Variants in PHF19 observed in about 807,000 individuals in gnomAD.
The protein encoded by PHF19 is polycomb like 3.
PHF19 carries 21 observed loss-of-function variants against 79.8 expected under a neutral mutation model. The observed-to-expected ratio is 0.26, with a 90% CI of 0.19 to 0.38. The LOEUF is 0.38. Among genes scored for constraint, PHF19 ranks in the 10% least tolerant of loss-of-function variants. The pLI is 1.00. For missense variants in PHF19, 445 were observed against 744.2 expected (o/e 0.60, Z 4.68); for synonymous variants, 273 against 296.3 (o/e 0.92, Z 0.81).
chr9:120,901,204 G>T, the PHF19 span, among the ~76,000 whole-genome samples: 77,699 of 150,376 alleles, frequency 0.52, 20,627 homozygotes, highest in South Asian at 0.69. Flanking sequence ...TCTTTTTTTT[G>T]TTGTTTGAGA....
At chr9:120,872,139 C>T (rs576802799) in intron 3 of PHF19, among the ~76,000 whole-genome samples, 14 of 149,020 alleles carry the variant, frequency 9.4e-5, no homozygotes, top group African/African-American at 1.2e-4. Context: ...TGTTCCAAGA[C>T]GTTTGTTGAA....
rs564927935 is a variant in PHF19, at chr9:120,856,532, C to A, written c.*1412G>T. ...AAGGCACTTTTGTCCATTTTCCAAT[C>A]AAGTGAGTCAGTTTCTAATATCTCT... On this transcript the variant is annotated 3_prime_UTR_variant, in exon 15 of 15. Transcript: ENST00000373896. 1 of 152,270 alleles carries A rather than the reference C, an allele frequency of 6.6e-6. No homozygotes were observed. The highest frequency in any genetic ancestry group is 1.5e-5 in the Non-Finnish European group (1 of 68,062). The allele number at this position is 152,270 out of a possible 1,614,324, so 9.4% of individuals were successfully genotyped here. A position where few individuals can be genotyped will look rare whatever the true frequency, so the allele number is the denominator to read the frequency against.
intron 1 of PHF19, among the ~76,000 whole-genome samples, chr9:120,887,929 C>T (rs1300816089): frequency 2.6e-5 from 4 of 152,142 alleles, no homozygotes; most frequent in Admixed American, 6.5e-5. Context: ...TCCTTGAGAA[C>T]GGAGCTCGTC....
upstream of PHF19, among the ~76,000 whole-genome samples, chr9:120,881,695 G>T (rs990037876): frequency 6.6e-6 from 1 of 152,152 alleles, no homozygotes; most frequent in Non-Finnish European, 1.5e-5. Flanking sequence ...AGCATTGCTT[G>T]TTAGGTGTCC....
At chr9:120,889,822 AAG>A (rs2046317334) in intron 1 of PHF19, among the ~76,000 whole-genome samples, 4 of 152,098 alleles carry the variant, frequency 2.6e-5, no homozygotes, top group Middle Eastern at 3.2e-3. Flanking sequence ...AGAAAGAAAA[AAG>A]AGAAAAAGAA....
chr9:120,864,287 C>T (rs1304281612), intron 9 of PHF19, among the ~76,000 whole-genome samples, 171 bp from the exon 10 acceptor site: 1 of 152,200 alleles, frequency 6.6e-6, no homozygotes, highest in East Asian at 1.9e-4. Context: ...AAGTTCATTC[C>T]CATTTGTAAA....
At chr9:120,865,633 C>T in intron 9 of PHF19, 77 bp downstream of exon 9, 5 of 1,554,576 alleles carry the variant, frequency 3.2e-6, no homozygotes, top group Non-Finnish European at 4.4e-6. Context: ...TCAGAGACTT[C>T]CATCCTAGTC....
chr9:120,904,082 GA>G, the PHF19 span: 1 of 152,284 alleles, frequency 6.6e-6, no homozygotes, highest in Non-Finnish European at 1.5e-5. Context: ...CGGGATTCTG[GA>G]AAGCACCAAA....
chr9:120,859,383 G>A (rs1400994153), intron 14 of PHF19, among the ~76,000 whole-genome samples: 5 of 151,982 alleles, frequency 3.3e-5, no homozygotes, highest in Admixed American at 1.3e-4. Flanking sequence ...GCCTCCCAAA[G>A]TGCTAGGATG....
rs1337780104 is a variant in PHF19 at position 120,860,416 on chromosome 9, G to C, written c.1305-231C>G. On this transcript the variant is annotated intron_variant, in intron 13 of 14. Transcript: ENST00000373896. The surrounding 1 kb of genome is among the most constrained non-coding windows in gnomAD (Gnocchi z 4.1). ...TCCCCTGGCGGTGACGTAAGCACTG[G>C]TGTCAATAACTCGAGCGTGATCCAA... is the stretch of plus-strand genomic sequence containing the variant. 1 of 516,612 alleles carries C rather than the reference G, an allele frequency of 1.9e-6. No individual in the cohort carries two copies. Among genetic ancestry groups the C allele is most frequent in the Non-Finnish European group, 3.5e-6 (1 of 282,932 alleles). The allele number at this position is 516,612 out of a possible 1,614,324, so 32.0% of individuals were successfully genotyped here. A position where few individuals can be genotyped will look rare whatever the true frequency, so the allele number is the denominator to read the frequency against.
chr9:120,896,345 T>C (rs539437699), upstream of PHF19, among the ~76,000 whole-genome samples: 18 of 152,090 alleles, frequency 1.2e-4, no homozygotes, highest in African/African-American at 4.1e-4. Flanking sequence ...GACCGAAGCT[T>C]GGACAGATGA....
intron 6 of PHF19, among the ~76,000 whole-genome samples, chr9:120,867,902 G>A (rs116781178): frequency 0.011 from 1,663 of 152,222 alleles, 31 homozygotes; most frequent in African/African-American, 0.038. Context: ...TCAGCCCAAA[G>A]AAGCAAGCTC....
intron 10 of PHF19, among the ~76,000 whole-genome samples, chr9:120,863,564 G>A (rs1207456580): frequency 2.0e-5 from 3 of 152,302 alleles, no homozygotes; most frequent in East Asian, 1.9e-4. Flanking sequence ...AAGGGACAGC[G>A]GCAGAGGACG....
At position 120,874,147 on chromosome 9, in the gene PHF19, C is replaced by A. The variant is rs907524882; in HGVS notation, c.187-87G>T. On this transcript the variant is annotated intron_variant, in intron 2 of 14. Transcript: ENST00000373896. This position sits in a 1 kb window ranked among gnomAD's most constrained non-coding sequence, Gnocchi z 4.5. ...AGTCTTCCTCCCCCATTTTTGTCTCCGTATGTTCCAGAAAGCAGGGCTAGA... is the reference window on the plus strand; with the variant it reads ...AGTCTTCCTCCCCCATTTTTGTCTCAGTATGTTCCAGAAAGCAGGGCTAGA... 10 of 740,174 alleles carry A rather than the reference C, an allele frequency of 1.4e-5. No individual in the cohort carries two copies. In the South Asian group the frequency reaches 1.6e-4, roughly 12 times the overall value. 45.9% of individuals were successfully genotyped at this position (740,174 alleles called of 1,614,324 possible). A position where few individuals can be genotyped will look rare whatever the true frequency, so the allele number is the denominator to read the frequency against.
intron 1 of PHF19, 139 bp downstream of exon 1, chr9:120,876,952 C>A (rs1036975472): frequency 3.0e-6 from 3 of 984,622 alleles, no homozygotes; most frequent in Middle Eastern, 5.2e-4. Context: ...GTCCCCACCC[C>A]CGAGAGCCCC....
rs2045489689 is a variant in PHF19 at position 120,860,479 on chromosome 9, C to T, written c.1305-294G>A. On this transcript the variant is annotated intron_variant, in intron 13 of 14. Transcript: ENST00000373896. The surrounding 1 kb of genome is among the most constrained non-coding windows in gnomAD (Gnocchi z 4.1). ...ACACTTCACAGGTCAAAAGTGCTTT[C>T]ATTTGCATTATCTTGTTTGAGGAAA... 5.0e-6 allele frequency: 2 copies of T among 398,640 alleles called. No individual in the cohort carries two copies. Among genetic ancestry groups the T allele is most frequent in the Non-Finnish European group, 9.5e-6 (2 of 211,256 alleles). The allele number at this position is 398,640 out of a possible 1,614,324, so 24.7% of individuals were successfully genotyped here.
chr9:120,871,307 T>C (rs903358556), intron 3 of PHF19, among the ~76,000 whole-genome samples: 2 of 152,246 alleles, frequency 1.3e-5, no homozygotes, highest in Non-Finnish European at 2.9e-5. Context: ...TTATTTTAAA[T>C]TGAGTCCCAG....
chr9:120,868,712 C>T (rs1279409565), intron 6 of PHF19: 4 of 557,788 alleles, frequency 7.2e-6, no homozygotes, highest in Admixed American at 6.3e-5. Context: ...GGGACCGCCC[C>T]TTGAGGCCTC....
chr9:120,868,743 C>T, intron 6 of PHF19: 1 of 756,510 alleles, frequency 1.3e-6, no homozygotes, highest in Non-Finnish European at 1.6e-6. Context: ...GTCCTGTTCC[C>T]GAGGCCTTAC....
Sources: allele counts gnomAD v4.1 joint callset (sites outside exome capture counted in the v4.1 genomes callset), GRCh38; gene constraint gnomAD v4.1.1; non-coding constraint Gnocchi (gnomAD v3.1); transcripts MANE v1.5; gene names NCBI Gene and HGNC (gene_info 2026-07-23, HGNC 2026-07-21).